The following MAPK10 variants were observed in gnomAD, a reference collection of about 807,000 sequenced individuals.
MAPK10 encodes the protein mitogen-activated protein kinase 10.
A neutral mutation model predicts 59.3 loss-of-function variants in MAPK10; 25 were observed. That is an observed-to-expected ratio of 0.42 (90% CI 0.31 to 0.59). The LOEUF (loss-of-function observed/expected upper bound fraction) is 0.59. MAPK10 is among the 20% of genes least tolerant of loss of function. MAPK10 has a pLI of 0.15. For synonymous variants in MAPK10, 190 were observed against 200.5 expected (o/e 0.95, Z 0.44); for missense variants, 351 against 568.9 (o/e 0.62, Z 3.90).
intron 2 of MAPK10, among the ~76,000 whole-genome samples, chr4:86,290,616 A>G (rs986694083): frequency 3.3e-5 from 5 of 152,208 alleles, no homozygotes; most frequent in Non-Finnish European, 7.3e-5. Flanking sequence ...ACATAAACAC[A>G]GGGTTTTGGG....
intron 1 of MAPK10, among the ~76,000 whole-genome samples, chr4:86,447,722 T>C (rs1197232713): frequency 6.6e-6 from 1 of 152,206 alleles, no homozygotes; most frequent in Non-Finnish European, 1.5e-5. Flanking sequence ...ATTTTGTTTT[T>C]CTACAACAAT....
intron 2 of MAPK10, among the ~76,000 whole-genome samples, chr4:86,333,090 C>T (rs964151548): frequency 2.0e-5 from 3 of 152,090 alleles, no homozygotes; most frequent in Non-Finnish European, 4.4e-5. Context: ...AGACTACAGG[C>T]GCATGCCACT....
chr4:86,324,141 T>C (rs1365481851), intron 2 of MAPK10, among the ~76,000 whole-genome samples: 2 of 152,172 alleles, frequency 1.3e-5, no homozygotes, highest in Non-Finnish European at 2.9e-5. Flanking sequence ...GCGTACTGGC[T>C]CAAGTCTGTA....
At chr4:86,247,629 G>A (rs1431090253) in intron 2 of MAPK10, among the ~76,000 whole-genome samples, 1 of 144,400 alleles carries the variant, frequency 6.9e-6, no homozygotes, top group Non-Finnish European at 1.5e-5. Context: ...TGCTATAATA[G>A]ATAAACACTG....
chr4:86,041,311 C>T (rs1471687395), intron 11 of MAPK10, among the ~76,000 whole-genome samples: 1 of 152,178 alleles, frequency 6.6e-6, no homozygotes, highest in Non-Finnish European at 1.5e-5. Flanking sequence ...TCGTTCCTTA[C>T]ACCTTATACA....
chr4:86,591,912 T>C (rs7663758), intron 1 of MAPK10, among the ~76,000 whole-genome samples: 151,204 of 152,208 alleles, frequency 0.99, 75,117 homozygotes, highest in Middle Eastern at 1. Flanking sequence ...GGAATAATTA[T>C]GATGTTATGT....
At chr4:86,327,928 G>A (rs969781722) in intron 2 of MAPK10, among the ~76,000 whole-genome samples, 3 of 151,854 alleles carry the variant, frequency 2.0e-5, no homozygotes, top group East Asian at 1.9e-4. Context: ...CCAGCTAGGC[G>A]ACAGAGTGAG....
chr4:86,267,274 A>C (rs1400871538), intron 2 of MAPK10, among the ~76,000 whole-genome samples: 2 of 152,196 alleles, frequency 1.3e-5, no homozygotes, highest in Non-Finnish European at 2.9e-5. Flanking sequence ...AGCCAAAATA[A>C]AGTTTCTAAC....
chr4:86,058,060 G>C (rs145563601), intron 11 of MAPK10, among the ~76,000 whole-genome samples: 1 of 149,698 alleles, frequency 6.7e-6, no homozygotes, highest in Non-Finnish European at 1.5e-5. Flanking sequence ...TGAGAAATAC[G>C]CTTCTGCCAA....
intron 1 of MAPK10, among the ~76,000 whole-genome samples, chr4:86,507,674 A>G (rs1173840002): frequency 8.2e-6 from 1 of 122,384 alleles, no homozygotes; most frequent in Admixed American, 8.4e-5. Context: ...ATATATATAA[A>G]ATCATGTGTA....
intron 1 of MAPK10, among the ~76,000 whole-genome samples, chr4:86,355,896 T>G (rs1021330319): frequency 7.9e-5 from 12 of 151,884 alleles, no homozygotes; most frequent in Admixed American, 7.9e-4. Context: ...GACAATTGCT[T>G]TAAGCAATCC....
chr4:86,518,561 C>A (rs988804622), intron 1 of MAPK10, among the ~76,000 whole-genome samples: 1 of 151,402 alleles, frequency 6.6e-6, no homozygotes. Context: ...TTTTCAAAAA[C>A]CAGCTTTTTG....
intron 1 of MAPK10, among the ~76,000 whole-genome samples, chr4:86,507,653 T>TATAC (rs1755879135): frequency 3.4e-5 from 3 of 88,926 alleles, no homozygotes; most frequent in East Asian, 3.1e-4. Flanking sequence ...TATATATATA[T>TATAC]ATATATATAT....
chr4:86,025,818 G>C (rs1749873322), intron 13 of MAPK10, among the ~76,000 whole-genome samples: 1 of 152,042 alleles, frequency 6.6e-6, no homozygotes, highest in African/African-American at 2.4e-5. Flanking sequence ...ACATTGTTAT[G>C]GGGGAAAATG....
intron 1 of MAPK10, among the ~76,000 whole-genome samples, chr4:86,383,576 C>T (rs192105712): frequency 6.6e-6 from 1 of 152,032 alleles, no homozygotes; most frequent in Admixed American, 6.5e-5. Context: ...AAGTATGAAC[C>T]AGTGAAATAG....
At chr4:86,376,733 C>A (rs1050046771) in intron 1 of MAPK10, among the ~76,000 whole-genome samples, 7 of 152,174 alleles carry the variant, frequency 4.6e-5, no homozygotes, top group Non-Finnish European at 7.4e-5. Flanking sequence ...CATTCACTTT[C>A]CCAAAGCTAA....
At chr4:86,477,707 A>G (rs898699934) in intron 1 of MAPK10, among the ~76,000 whole-genome samples, 5 of 152,214 alleles carry the variant, frequency 3.3e-5, no homozygotes, top group African/African-American at 1.2e-4. Context: ...GACAAGCCTT[A>G]CAGGTTAGTT....
rs375591663 is a variant in MAPK10 at position 86,238,240 on chromosome 4, T to C, written c.-6-43833A>G. ...TTGTACCAATACCATACTGTTTTGG[T>C]TACTGTAGCCTTGTAGTATAGTTTG... On this transcript the variant is annotated intron_variant, in intron 2 of 13. Transcript: ENST00000641462. 8.5e-5 allele frequency among the ~76,000 whole-genome samples: 13 copies of C among 152,330 alleles called. No individual in the cohort carries two copies. The East Asian group carries it at 2.5e-3, about 29-fold the overall frequency.
chr4:86,479,811 T>A (rs1753436864), intron 1 of MAPK10, among the ~76,000 whole-genome samples: 1 of 152,158 alleles, frequency 6.6e-6, no homozygotes, highest in Non-Finnish European at 1.5e-5. Flanking sequence ...CAAAATTGTA[T>A]CCAGGCCATC....
Sources: allele counts gnomAD v4.1 joint callset (sites outside exome capture counted in the v4.1 genomes callset), GRCh38; gene constraint gnomAD v4.1.1; transcripts MANE v1.5; gene names NCBI Gene and HGNC (gene_info 2026-07-23, HGNC 2026-07-21).